Variants in ARHGEF10 observed in about 807,000 individuals in gnomAD.
ARHGEF10 encodes Rho guanine nucleotide exchange factor 10, also known as Rho guanine nucleotide exchange factor (GEF) 10.
ARHGEF10 carries 140 observed loss-of-function variants against 147.4 expected under a neutral mutation model. The ratio of observed to expected loss-of-function variants is 0.95; its 90% CI spans 0.83 to 1.09. The LOEUF is 1.09. Ranked by LOEUF, ARHGEF10 falls within the 50% of genes least tolerant of loss-of-function variation. The pLI, the probability that ARHGEF10 is intolerant of heterozygous loss-of-function variation, is 0.00. For missense variants in ARHGEF10, 2,222 were observed against 1,752.7 expected, an observed-to-expected ratio of 1.27 and a Z score of -4.78; for synonymous variants, 902 against 695.8, an observed-to-expected ratio of 1.30 and a Z score of -4.67.
intron 1 of ARHGEF10, among the ~76,000 whole-genome samples, chr8:1,833,535 C>T: frequency 6.6e-6 from 1 of 152,210 alleles, no homozygotes. Flanking sequence ...CCAAGCACGG[C>T]CCTCACGGCT....
intron 5 of ARHGEF10, among the ~76,000 whole-genome samples, chr8:1,865,055 A>G (rs761560438): frequency 1.3e-5 from 2 of 152,264 alleles, no homozygotes; most frequent in African/African-American, 2.4e-5. Flanking sequence ...AAAAGGATGA[A>G]ATTTTTCAAA....
intron 2 of ARHGEF10, among the ~76,000 whole-genome samples, chr8:1,854,616 C>T (rs910607853): frequency 6.6e-6 from 1 of 152,074 alleles, no homozygotes; most frequent in South Asian, 2.1e-4. Context: ...CTTCCAAGCC[C>T]CTCCAAGTCT....
In ARHGEF10 at chr8:1,885,613, C is replaced by A. The variant is rs1426821240; in HGVS notation, c.1088C>A (p.Ser363Tyr). The change falls in exon 11 of 29, where the codon TCT (serine) becomes TAT (tyrosine). Residue 363 changes from serine (S) to tyrosine (Y), a missense_variant. By Grantham distance (144) the Ser-to-Tyr change is moderately radical. Transcript: ENST00000349830. ...KSLIAQDHRSSLEEEQNLFID... is the reference protein window; with the variant it reads ...KSLIAQDHRSYLEEEQNLFID... ...CTTTTTTTTTAAGATCACAGATCTT[C>A]TCTTGAGGAAGAACAGAATTTGTTC... 1 of 1,612,896 alleles carries A rather than the reference C, an allele frequency of 6.2e-7. No individual in the cohort carries two copies. The highest frequency in any genetic ancestry group is 8.5e-7 in the Non-Finnish European group (1 of 1,179,236).
At chr8:1,950,883 C>A (rs1015533771) in intron 27 of ARHGEF10, among the ~76,000 whole-genome samples, 2 of 152,008 alleles carry the variant, frequency 1.3e-5, no homozygotes, top group African/African-American at 2.4e-5. Context: ...CCCGGCCTAC[C>A]CTTTTTATTA....
At chr8:1,894,679 T>C (rs1809829925) in intron 13 of ARHGEF10, 107 bp downstream of exon 13, 1 of 1,282,606 alleles carries the variant, frequency 7.8e-7, no homozygotes, top group African/African-American at 1.5e-5. Context: ...AGCTGACAAG[T>C]GTGCAGTTCT....
intron 25 of ARHGEF10, among the ~76,000 whole-genome samples, chr8:1,932,062 C>T (rs1585587503): frequency 2.0e-5 from 3 of 152,278 alleles, no homozygotes; most frequent in Non-Finnish European, 2.9e-5. Context: ...GCACAGTGGG[C>T]GGTGCATAGA....
intron 1 of ARHGEF10, among the ~76,000 whole-genome samples, chr8:1,828,283 CGTT>C (rs1459217006): frequency 6.6e-6 from 1 of 152,240 alleles, no homozygotes; most frequent in Non-Finnish European, 1.5e-5. Context: ...TGGATGTGGT[CGTT>C]ATTATGTTGT....
intron 18 of ARHGEF10, among the ~76,000 whole-genome samples, chr8:1,913,873 G>C (rs370865007): frequency 1.7e-4 from 26 of 152,222 alleles, no homozygotes; most frequent in African/African-American, 5.8e-4. Flanking sequence ...GGTAGCTGGA[G>C]GAGCTGCCAG....
At chr8:1,919,094 C>T (rs1217386270) in intron 18 of ARHGEF10, among the ~76,000 whole-genome samples, 1 of 127,402 alleles carries the variant, frequency 7.8e-6, no homozygotes, top group Non-Finnish European at 1.6e-5. Flanking sequence ...TGATGGAGCT[C>T]TTCCGTGGGT....
At position 1,948,823 on chromosome 8, in the gene ARHGEF10, G is replaced by T. The variant is rs982618693; in HGVS notation, c.3397+3168G>T. Reference sequence around the variant, plus strand: ...ATTTCATGCTGTATTTAGACATTCCGGTGGGGGCATGCTCATACCGTGCTG... The same window carrying T: ...ATTTCATGCTGTATTTAGACATTCCTGTGGGGGCATGCTCATACCGTGCTG... On this transcript the variant is annotated intron_variant, in intron 27 of 28. Coordinates refer to ENST00000349830, the MANE Select transcript of ARHGEF10 (RefSeq NM_014629.4). This position sits in a 1 kb window ranked among gnomAD's most constrained non-coding sequence, Gnocchi z 4.9. Among the ~76,000 whole-genome samples, 1 of 152,056 alleles carries T rather than the reference G, an allele frequency of 6.6e-6. No homozygotes were observed. The highest frequency in any genetic ancestry group is 1.5e-5 in the Non-Finnish European group (1 of 68,030).
chr8:1,958,417 T>C lies in ARHGEF10; in HGVS notation c.*1154T>C, dbSNP rs904248137. 6.6e-6 allele frequency: 1 copy of C among 152,228 alleles called. No homozygotes were observed. The highest frequency in any genetic ancestry group is 2.4e-5 in the African/African-American group (1 of 41,464). The allele number at this position is 152,228 out of a possible 1,614,324, so 9.4% of individuals were successfully genotyped here. On this transcript the variant is annotated 3_prime_UTR_variant, in exon 29 of 29. Coordinates refer to ENST00000349830, the MANE Select transcript of ARHGEF10 (RefSeq NM_014629.4). ...ATCCTGCTGAACGTGTATTTCAGTG[T>C]TTCACTTACTGGACGGATAACAAGA...
At chr8:1,913,589 G>C (rs999929175) in intron 18 of ARHGEF10, among the ~76,000 whole-genome samples, 3 of 152,114 alleles carry the variant, frequency 2.0e-5, no homozygotes, top group Non-Finnish European at 4.4e-5. Context: ...CTTGTTATTG[G>C]ACCAGCATCT....
intron 15 of ARHGEF10, among the ~76,000 whole-genome samples, chr8:1,901,516 C>T (rs1026011987): frequency 6.6e-5 from 10 of 152,214 alleles, no homozygotes; most frequent in African/African-American, 2.4e-4. Context: ...TGTCTTTATC[C>T]CAGCTACCTA....
At chr8:1,860,670 G>A (rs1806055209) in intron 4 of ARHGEF10, among the ~76,000 whole-genome samples, 1 of 152,190 alleles carries the variant, frequency 6.6e-6, no homozygotes, top group Non-Finnish European at 1.5e-5. Context: ...CGAATGTGTT[G>A]CCCCCTCATG....
chr8:1,823,813 C>A (rs1802556647), upstream of ARHGEF10, among the ~76,000 whole-genome samples: 1 of 151,598 alleles, frequency 6.6e-6, no homozygotes, highest in African/African-American at 2.4e-5. Context: ...AATGCGCGGG[C>A]GCGAGGGCAG....
chr8:1,871,134 A>G (rs1319211128), intron 7 of ARHGEF10: 1 of 150,866 alleles, frequency 6.6e-6, no homozygotes, highest in Non-Finnish European at 1.5e-5. Context: ...AAAAAAAAAA[A>G]TCAGTAAACC....
At chr8:1,836,097 C>G (rs1052016848) in intron 1 of ARHGEF10, among the ~76,000 whole-genome samples, 1 of 151,328 alleles carries the variant, frequency 6.6e-6, no homozygotes, top group Admixed American at 6.6e-5. Flanking sequence ...AGGAGAATGG[C>G]GTGAACCCGG....
At chr8:1,825,724 T>C (rs191996558) in intron 1 of ARHGEF10, among the ~76,000 whole-genome samples, 1 of 152,248 alleles carries the variant, frequency 6.6e-6, no homozygotes, top group Non-Finnish European at 1.5e-5. Context: ...CTTGCTGTTG[T>C]CTGATATTGA....
chr8:1,950,519 A>AT, intron 27 of ARHGEF10, among the ~76,000 whole-genome samples: 1 of 151,368 alleles, frequency 6.6e-6, no homozygotes, highest in East Asian at 1.9e-4. Context: ...TACCCTTTTT[A>AT]TTATTTATTT....
Sources: allele counts gnomAD v4.1 joint callset (sites outside exome capture counted in the v4.1 genomes callset), GRCh38; gene constraint gnomAD v4.1.1; non-coding constraint Gnocchi (gnomAD v3.1); transcripts MANE v1.5; gene names NCBI Gene and HGNC (gene_info 2026-07-23, HGNC 2026-07-21).